Variants in PACSIN2 observed in about 807,000 individuals in gnomAD.
The protein encoded by PACSIN2 is protein kinase C and casein kinase substrate in neurons 2.
Under a neutral mutation model 63.8 loss-of-function variants are expected in PACSIN2, and 25 were observed. The ratio of observed to expected loss-of-function variants is 0.39; its 90% CI spans 0.29 to 0.55. PACSIN2 has a LOEUF of 0.55. PACSIN2 is among the 20% of genes least tolerant of loss of function. PACSIN2 has a pLI of 0.62. For synonymous variants in PACSIN2, 255 were observed against 256.2 expected, an observed-to-expected ratio of 1.00 and a Z score of 0.05; for missense variants, 518 against 646.9, an observed-to-expected ratio of 0.80 and a Z score of 2.16.
At chr22:42,909,635 A>T (rs1014887042) in intron 2 of PACSIN2, 2 of 469,740 alleles carry the variant, frequency 4.3e-6, no homozygotes, top group Non-Finnish European at 8.8e-6. Flanking sequence ...AGGCAAAAGG[A>T]GATGTTCTTG....
intron 1 of PACSIN2, among the ~76,000 whole-genome samples, chr22:42,985,189 G>A (rs1402484057): frequency 6.6e-6 from 1 of 152,244 alleles, no homozygotes; most frequent in Non-Finnish European, 1.5e-5. Context: ...TCAGCCAGGA[G>A]TGGCGGCACA....
chr22:42,893,880 G>A (rs989101330), intron 2 of PACSIN2, among the ~76,000 whole-genome samples: 2 of 152,170 alleles, frequency 1.3e-5, no homozygotes, highest in Admixed American at 1.3e-4. Flanking sequence ...CTGTGGGTCA[G>A]GAAGGGAGGC....
chr22:43,004,625 ATAATT>A (rs1286441729), intron 1 of PACSIN2, among the ~76,000 whole-genome samples: 3 of 152,244 alleles, frequency 2.0e-5, no homozygotes, highest in Non-Finnish European at 4.4e-5. Flanking sequence ...TGGCGACAAC[ATAATT>A]TAATATAATG....
At chr22:42,953,048 C>A (rs1933767856) in intron 1 of PACSIN2, among the ~76,000 whole-genome samples, 1 of 151,464 alleles carries the variant, frequency 6.6e-6, no homozygotes, top group Admixed American at 6.6e-5. Flanking sequence ...AGCAAATATG[C>A]AGATAAATAT....
intron 3 of PACSIN2, among the ~76,000 whole-genome samples, chr22:42,892,753 CCT>C (rs911609488): frequency 6.6e-6 from 1 of 152,228 alleles, no homozygotes; most frequent in Non-Finnish European, 1.5e-5. Flanking sequence ...ACCTGGCTCC[CCT>C]GATTGGCTGA....
chr22:42,899,671 C>T (rs55676888), intron 2 of PACSIN2, among the ~76,000 whole-genome samples: 3,746 of 152,272 alleles, frequency 0.025, 152 homozygotes, highest in African/African-American at 0.087. Context: ...CTACGATGAC[C>T]CAGCAGCTTC....
At chr22:42,984,928 T>A (rs1227986341) in intron 1 of PACSIN2, among the ~76,000 whole-genome samples, 1 of 152,190 alleles carries the variant, frequency 6.6e-6, no homozygotes, top group Admixed American at 6.5e-5. Flanking sequence ...CCCTAGTTTT[T>A]CTTATTCTAA....
chr22:42,947,849 C>T (rs1933498893), intron 1 of PACSIN2, among the ~76,000 whole-genome samples: 1 of 152,232 alleles, frequency 6.6e-6, no homozygotes, highest in South Asian at 2.1e-4. Context: ...CTTCCACAAG[C>T]ATTGGCCAGG....
intron 1 of PACSIN2, among the ~76,000 whole-genome samples, chr22:42,989,509 A>C (rs1369380909): frequency 6.6e-6 from 1 of 151,058 alleles, no homozygotes; most frequent in African/African-American, 2.4e-5. Context: ...CCTCAAAAAA[A>C]AAAAAGGCCA....
intron 1 of PACSIN2, among the ~76,000 whole-genome samples, chr22:42,979,199 T>C (rs1375720556): frequency 6.6e-6 from 1 of 152,070 alleles, no homozygotes; most frequent in Non-Finnish European, 1.5e-5. Context: ...GGTTCATCTG[T>C]TTGTGTTTTT....
intron 7 of PACSIN2, among the ~76,000 whole-genome samples, chr22:42,879,966 G>A (rs78451882): frequency 0.08 from 12,169 of 152,210 alleles, 644 homozygotes; most frequent in Non-Finnish European, 0.12. Flanking sequence ...GTTCTCGGGT[G>A]GCGAACTGGC....
chr22:42,890,930 C>T lies in PACSIN2; in HGVS notation c.453+17G>A. 1 of 1,608,018 alleles carries T rather than the reference C, an allele frequency of 6.2e-7. No individual in the cohort carries two copies. The highest frequency in any genetic ancestry group is 1.7e-5 in the Admixed American group (1 of 59,988). On this transcript the variant is annotated intron_variant, in intron 4 of 10. Transcript: ENST00000263246. Reference sequence around the variant, plus strand: ...GCAGAGCAAGGCCGGGCAGGGAAGCCTGCAGGACAGATGTACCTCTTTCAG... The same window carrying T: ...GCAGAGCAAGGCCGGGCAGGGAAGCTTGCAGGACAGATGTACCTCTTTCAG...
intron 1 of PACSIN2, among the ~76,000 whole-genome samples, chr22:42,991,877 C>T (rs985629350): frequency 1.3e-5 from 2 of 149,618 alleles, no homozygotes; most frequent in Non-Finnish European, 3.0e-5. Flanking sequence ...CAAAATGGAT[C>T]ACAGGCCTAA....
chr22:42,999,195 A>C (rs571022703), intron 1 of PACSIN2, among the ~76,000 whole-genome samples: 1 of 152,210 alleles, frequency 6.6e-6, no homozygotes, highest in Non-Finnish European at 1.5e-5. Context: ...CCAGAGCCCA[A>C]AAGTGCTCGC....
chr22:42,904,839 TC>T (rs1930957503), intron 2 of PACSIN2, among the ~76,000 whole-genome samples: 1 of 152,068 alleles, frequency 6.6e-6, no homozygotes, highest in Non-Finnish European at 1.5e-5. Context: ...TGGGCTCCTC[TC>T]CCCATCTCTG....
chr22:42,938,292 G>C (rs1252092364), intron 1 of PACSIN2, among the ~76,000 whole-genome samples: 1 of 152,140 alleles, frequency 6.6e-6, no homozygotes, highest in South Asian at 2.1e-4. Flanking sequence ...AAACACACAC[G>C]GTTCTGAAGA....
chr22:42,947,351 G>C (rs996443607), intron 1 of PACSIN2, among the ~76,000 whole-genome samples: 3 of 152,168 alleles, frequency 2.0e-5, no homozygotes, highest in Admixed American at 6.5e-5. Flanking sequence ...CCAGGTCAAC[G>C]CTTCAGCTTC....
chr22:42,951,117 G>A (rs1234973176), intron 1 of PACSIN2, among the ~76,000 whole-genome samples: 3 of 152,154 alleles, frequency 2.0e-5, no homozygotes, highest in Admixed American at 6.5e-5. Context: ...AGAATACACT[G>A]ATTGAGTTGC....
chr22:42,941,291 C>A (rs1004767851), intron 1 of PACSIN2, among the ~76,000 whole-genome samples: 1 of 152,202 alleles, frequency 6.6e-6, no homozygotes, highest in African/African-American at 2.4e-5. Flanking sequence ...TGCCCATTAC[C>A]AAGTGACTGG....
Sources: allele counts gnomAD v4.1 joint callset (sites outside exome capture counted in the v4.1 genomes callset), GRCh38; gene constraint gnomAD v4.1.1; transcripts MANE v1.5; gene names NCBI Gene and HGNC (gene_info 2026-07-23, HGNC 2026-07-21).